The following PTPRD variants were observed in gnomAD, a reference collection of about 807,000 sequenced individuals.
PTPRD encodes receptor-type tyrosine-protein phosphatase delta.
PTPRD carries 34 observed loss-of-function variants against 214.5 expected under a neutral mutation model. The ratio of observed to expected loss-of-function variants is 0.16; its 90% CI spans 0.12 to 0.21. The LOEUF is 0.21. Among genes scored for constraint, PTPRD ranks in the 10% least tolerant of loss-of-function variants. The pLI, the probability that PTPRD is intolerant of heterozygous loss-of-function variation, is 1.00. For missense variants in PTPRD, 2,545 were observed against 2,398.7 expected, an observed-to-expected ratio of 1.06 and a Z score of -1.27; for synonymous variants, 1,128 against 845.7, an observed-to-expected ratio of 1.33 and a Z score of -5.79.
rs548818808 is a variant in PTPRD at position 9,960,217 on chromosome 9, A to G, written c.-471-21607T>C. Among the ~76,000 whole-genome samples, 4 of 130,938 alleles carry G rather than the reference A, an allele frequency of 3.1e-5. No homozygotes were observed. In the East Asian group the frequency reaches 8.5e-4, roughly 28 times the overall value. The allele number at this position is 130,938 out of a possible 152,430, so 85.9% of individuals were successfully genotyped here. ...AGGAGTATGAAAAAAGGAGTATGAA[A>G]ATTTGAAAAAAAAAAAAAAATAGTG... is the stretch of plus-strand genomic sequence containing the variant. On this transcript the variant is annotated intron_variant, in intron 4 of 45. Transcript: ENST00000381196.
intron 5 of PTPRD, among the ~76,000 whole-genome samples, chr9:9,795,303 T>A (rs972075357): frequency 3.3e-5 from 5 of 152,170 alleles, no homozygotes; most frequent in Non-Finnish European, 7.4e-5. Context: ...GGGACCTAAC[T>A]ATCCCATTGT....
intron 5 of PTPRD, among the ~76,000 whole-genome samples, chr9:9,782,385 G>C (rs1199249672): frequency 1.3e-5 from 2 of 152,206 alleles, no homozygotes; most frequent in East Asian, 3.9e-4. Context: ...CTATTGCTAT[G>C]ATTGTTCATT....
intron 7 of PTPRD, among the ~76,000 whole-genome samples, chr9:9,619,147 G>A (rs552171399): frequency 6.6e-6 from 1 of 152,264 alleles, no homozygotes; most frequent in South Asian, 2.1e-4. Flanking sequence ...GAGTTGTGAG[G>A]AGGTATGCAC....
chr9:10,078,654 G>C (rs1456256827), intron 3 of PTPRD, among the ~76,000 whole-genome samples: 1 of 151,810 alleles, frequency 6.6e-6, no homozygotes, highest in Non-Finnish European at 1.5e-5. Flanking sequence ...CAGACAGTGA[G>C]TTAATCATTA....
At chr9:8,470,787 T>C (rs143419655) in intron 31 of PTPRD, among the ~76,000 whole-genome samples, 12 of 152,266 alleles carry the variant, frequency 7.9e-5, no homozygotes, top group East Asian at 1.9e-4. Context: ...GTAAGCTTTA[T>C]TGCAGCTTAA....
chr9:9,835,817 A>G (rs1037787311), intron 5 of PTPRD, among the ~76,000 whole-genome samples: 10 of 152,238 alleles, frequency 6.6e-5, no homozygotes, highest in Admixed American at 5.9e-4. Context: ...TCTCAATCTT[A>G]GTGCCACCCT....
chr9:9,167,704 G>A (rs2099906922), intron 10 of PTPRD, among the ~76,000 whole-genome samples: 1 of 152,030 alleles, frequency 6.6e-6, no homozygotes, highest in Non-Finnish European at 1.5e-5. Flanking sequence ...GTGGTGAGCC[G>A]AGATCGCGCC....
chr9:9,231,082 A>C (rs188474358), intron 9 of PTPRD, among the ~76,000 whole-genome samples: 2 of 152,212 alleles, frequency 1.3e-5, no homozygotes, highest in Admixed American at 1.3e-4. Flanking sequence ...GTGTTCTAAC[A>C]AGTTAGGAAC....
chr9:8,691,533 T>C (rs975384261), intron 12 of PTPRD, among the ~76,000 whole-genome samples: 1 of 152,184 alleles, frequency 6.6e-6, no homozygotes, highest in Non-Finnish European at 1.5e-5. Flanking sequence ...AGAATCTCTA[T>C]AAATCTTGAA....
At chr9:8,533,099 A>G (rs1184447563) in intron 14 of PTPRD, among the ~76,000 whole-genome samples, 2 of 152,058 alleles carry the variant, frequency 1.3e-5, no homozygotes, top group African/African-American at 2.4e-5. Flanking sequence ...GTTCACTTAA[A>G]CTGTTTTCAC....
intron 4 of PTPRD, among the ~76,000 whole-genome samples, chr9:9,964,567 G>C (rs1255640010): frequency 2.0e-5 from 3 of 152,172 alleles, no homozygotes; most frequent in Non-Finnish European, 4.4e-5. Flanking sequence ...CTCTTGACGT[G>C]GGTTAGGAGT....
chr9:10,559,677 T>A (rs547443342), intron 2 of PTPRD, among the ~76,000 whole-genome samples: 1 of 151,968 alleles, frequency 6.6e-6, no homozygotes, highest in Admixed American at 6.6e-5. Flanking sequence ...AGGGCTAATA[T>A]CCAGAATCTA....
chr9:9,914,687 T>C (rs570025918), intron 5 of PTPRD, among the ~76,000 whole-genome samples: 2 of 152,106 alleles, frequency 1.3e-5, no homozygotes, highest in Admixed American at 1.3e-4. Context: ...AGCATGTGAT[T>C]GTATTCTGAG....
intron 11 of PTPRD, among the ~76,000 whole-genome samples, chr9:8,919,150 T>C (rs2098807310): frequency 6.6e-6 from 1 of 152,148 alleles, no homozygotes; most frequent in Non-Finnish European, 1.5e-5. Context: ...CCCAGCACTT[T>C]AGGAGGCTAA....
intron 11 of PTPRD, among the ~76,000 whole-genome samples, chr9:8,846,088 G>C (rs72704322): frequency 0.13 from 20,207 of 152,186 alleles, 1,638 homozygotes; most frequent in East Asian, 0.23. Context: ...CTTGTCTAGT[G>C]GCATATGAGT....
intron 14 of PTPRD, among the ~76,000 whole-genome samples, chr9:8,557,455 T>TATATATACAC: frequency 7.4e-6 from 1 of 135,634 alleles, no homozygotes; most frequent in Admixed American, 7.1e-5. Flanking sequence ...TATATATATA[T>TATATATACAC]ATTTGGGCCG....
intron 14 of PTPRD, among the ~76,000 whole-genome samples, chr9:8,594,264 A>C (rs2154267660): frequency 6.6e-6 from 1 of 152,282 alleles, no homozygotes; most frequent in Middle Eastern, 3.4e-3. Context: ...TAAAGACAAA[A>C]ATCAAACCAA....
rs201090377 is a variant in PTPRD, at chr9:8,449,798, C to G, written c.3915G>C (p.Pro1305=). 6.2e-7 allele frequency: 1 copy of G among 1,613,934 alleles called. No homozygotes were observed. Among genetic ancestry groups the G allele is most frequent in the African/African-American group, 1.3e-5 (1 of 74,994 alleles). ...GGTGTGAAGGGATCTCCTTATTGTT[C>G]GGTATGCTGCTTTTTCTAGAGTCGG... ...AESDSRKSSI[P]NNKEIPSHHP... is the part of the protein sequence containing the mutation. Residue 1305 remains proline (P), a synonymous_variant, in exon 34 of 46, where the codon CCG becomes CCC. Coordinates refer to ENST00000381196, the MANE Select transcript of PTPRD (RefSeq NM_002839.4).
intron 5 of PTPRD, among the ~76,000 whole-genome samples, chr9:9,789,277 T>C (rs1216970448): frequency 6.6e-6 from 1 of 152,188 alleles, no homozygotes; most frequent in African/African-American, 2.4e-5. Context: ...TCAAGCGGAA[T>C]GCCTTGGCCT....
Sources: allele counts gnomAD v4.1 joint callset (sites outside exome capture counted in the v4.1 genomes callset), GRCh38; gene constraint gnomAD v4.1.1; transcripts MANE v1.5; gene names NCBI Gene and HGNC (gene_info 2026-07-23, HGNC 2026-07-21).